TRIO: variants seen among roughly 807,000 people sequenced by gnomAD.
TRIO encodes triple functional domain protein.
A neutral mutation model predicts 351.9 loss-of-function variants in TRIO; 58 were observed. The observed-to-expected ratio is 0.16, with a 90% CI of 0.13 to 0.21. The LOEUF (loss-of-function observed/expected upper bound fraction) is 0.21, where lower values mean the gene tolerates loss of function less well. Ranked by LOEUF, TRIO falls within the 10% of genes least tolerant of loss-of-function variation. TRIO has a pLI of 1.00. For synonymous variants in TRIO, 1,758 were observed against 1,595.7 expected (o/e 1.10, Z -2.42); for missense variants, 3,201 against 4,027.8 (o/e 0.79, Z 5.56).
At chr5:14,377,638 C>T (rs975166061) in intron 19 of TRIO, among the ~76,000 whole-genome samples, 1 of 152,032 alleles carries the variant, frequency 6.6e-6, no homozygotes, top group Admixed American at 6.6e-5. Context: ...TCCATCTACA[C>T]AAGGTTTTAA....
intron 31 of TRIO, among the ~76,000 whole-genome samples, chr5:14,401,497 C>T (rs1270278617): frequency 6.6e-6 from 1 of 152,232 alleles, no homozygotes; most frequent in African/African-American, 2.4e-5. Flanking sequence ...ACCGTACCCA[C>T]AGTCCTTACA....
intron 34 of TRIO, among the ~76,000 whole-genome samples, chr5:14,449,034 G>T (rs1752650570): frequency 6.6e-6 from 1 of 152,214 alleles, no homozygotes; most frequent in African/African-American, 2.4e-5. Flanking sequence ...CTCTAGTCAA[G>T]TCAGTATTTG....
intron 10 of TRIO, 137 bp from the exon 11 acceptor site, chr5:14,336,399 A>G (rs529572687): frequency 5.8e-6 from 5 of 862,206 alleles, no homozygotes; most frequent in South Asian, 3.5e-5. Context: ...ATCTCTCCCC[A>G]TCATATTTTT....
At chr5:14,419,429 CAG>C (rs1167811890) in intron 33 of TRIO, among the ~76,000 whole-genome samples, 1 of 152,126 alleles carries the variant, frequency 6.6e-6, no homozygotes, top group Non-Finnish European at 1.5e-5. Flanking sequence ...TGGGTCAGAA[CAG>C]AAATTTGGAA....
chr5:14,300,148 T>C (rs1737753334), intron 7 of TRIO, among the ~76,000 whole-genome samples: 1 of 152,258 alleles, frequency 6.6e-6, no homozygotes, highest in Non-Finnish European at 1.5e-5. Context: ...GCTCCAGCCT[T>C]CGCTTGTCTT....
At chr5:14,208,001 G>T (rs1040089224) in intron 1 of TRIO, among the ~76,000 whole-genome samples, 13 of 152,144 alleles carry the variant, frequency 8.5e-5, no homozygotes, top group Non-Finnish European at 1.6e-4. Context: ...TAATAAAAAA[G>T]ATTGACATTG....
intron 38 of TRIO, among the ~76,000 whole-genome samples, chr5:14,472,017 C>T (rs1754728977): frequency 6.6e-6 from 1 of 152,034 alleles, no homozygotes; most frequent in South Asian, 2.1e-4. Context: ...TGAGAGGTGC[C>T]AGGTTGATGT....
At chr5:14,457,168 CAA>C (rs1258711661) in intron 34 of TRIO, among the ~76,000 whole-genome samples, 2 of 152,124 alleles carry the variant, frequency 1.3e-5, no homozygotes, top group African/African-American at 4.8e-5. Flanking sequence ...TTAAATTCCA[CAA>C]AATTTTTCTT....
intron 1 of TRIO, among the ~76,000 whole-genome samples, chr5:14,250,675 G>A (rs1404402352): frequency 6.6e-6 from 1 of 152,188 alleles, no homozygotes; most frequent in African/African-American, 2.4e-5. Flanking sequence ...AGGCTGTACT[G>A]TGTTCAGCTG....
chr5:14,360,374 T>G (rs571806498), intron 13 of TRIO, among the ~76,000 whole-genome samples: 1 of 152,184 alleles, frequency 6.6e-6, no homozygotes, highest in Non-Finnish European at 1.5e-5. Context: ...CCTGGGAACG[T>G]GACGTAAGGA....
chr5:14,147,299 G>T (rs780714986), intron 1 of TRIO, among the ~76,000 whole-genome samples: 1 of 152,140 alleles, frequency 6.6e-6, no homozygotes, highest in Non-Finnish European at 1.5e-5. Context: ...GGTCCCTGGT[G>T]CTCTTTCCTG....
At chr5:14,428,172 T>G (rs561312657) in intron 34 of TRIO, among the ~76,000 whole-genome samples, 1 of 152,180 alleles carries the variant, frequency 6.6e-6, no homozygotes, top group East Asian at 1.9e-4. Flanking sequence ...CGTGACCTAA[T>G]AAGTCTTCCA....
chr5:14,462,971 G>A, intron 36 of TRIO, 46 bp downstream of exon 36: 2 of 1,514,364 alleles, frequency 1.3e-6, no homozygotes, highest in Non-Finnish European at 1.8e-6. Flanking sequence ...CCGTGCAGGG[G>A]CAGGGCACGC....
intron 11 of TRIO, among the ~76,000 whole-genome samples, chr5:14,336,989 C>T (rs909446535): frequency 6.6e-6 from 1 of 152,142 alleles, no homozygotes; most frequent in Non-Finnish European, 1.5e-5. Context: ...AGACAGAGAA[C>T]GTCCATTTCT....
At chr5:14,444,904 C>T (rs1225919597) in intron 34 of TRIO, among the ~76,000 whole-genome samples, 4 of 152,098 alleles carry the variant, frequency 2.6e-5, no homozygotes, top group Non-Finnish European at 5.9e-5. Flanking sequence ...GCCCAAGAAA[C>T]CCACAGGTCC....
intron 1 of TRIO, among the ~76,000 whole-genome samples, chr5:14,241,643 A>G (rs540823708): frequency 6.6e-6 from 1 of 152,340 alleles, no homozygotes; most frequent in South Asian, 2.1e-4. Flanking sequence ...TGATTTTAGG[A>G]TGCTTCATAT....
intron 49 of TRIO, among the ~76,000 whole-genome samples, chr5:14,496,099 A>AT (rs555945143): frequency 0.018 from 2,682 of 152,140 alleles, 24 homozygotes; most frequent in Non-Finnish European, 0.026. Flanking sequence ...GGATGATAGC[A>AT]TTTTTTTTAG....
intron 1 of TRIO, among the ~76,000 whole-genome samples, chr5:14,223,397 A>C (rs188982123): frequency 6.6e-6 from 1 of 152,172 alleles, no homozygotes; most frequent in East Asian, 1.9e-4. Context: ...CTCAGCGTGC[A>C]CTTTGAGAGC....
chr5:14,296,335 G>T (rs377216447), intron 6 of TRIO, among the ~76,000 whole-genome samples: 1 of 152,220 alleles, frequency 6.6e-6, no homozygotes. Context: ...CACACCCTGC[G>T]ATACTGAGCC....
Sources: allele counts gnomAD v4.1 joint callset (sites outside exome capture counted in the v4.1 genomes callset), GRCh38; gene constraint gnomAD v4.1.1; transcripts MANE v1.5; gene names NCBI Gene and HGNC (gene_info 2026-07-23, HGNC 2026-07-21).